The following ADARB1 variants were observed in gnomAD, a reference collection of about 807,000 sequenced individuals.
ADARB1 encodes adenosine deaminase RNA specific B1.
A neutral mutation model predicts 52.4 loss-of-function variants in ADARB1; 10 were observed. The observed-to-expected ratio is 0.19, with a 90% CI of 0.12 to 0.32. The LOEUF (loss-of-function observed/expected upper bound fraction) is 0.32, where lower values mean the gene tolerates loss of function less well. Among genes scored for constraint, ADARB1 ranks in the 10% least tolerant of loss-of-function variants. The pLI is 1.00. For synonymous variants in ADARB1, 349 were observed against 371.1 expected, an observed-to-expected ratio of 0.94 and a Z score of 0.68; for missense variants, 643 against 922.3, an observed-to-expected ratio of 0.70 and a Z score of 3.92.
chr21:45,103,457 C>A (rs1354018255), intron 1 of ADARB1, among the ~76,000 whole-genome samples: 1 of 151,692 alleles, frequency 6.6e-6, no homozygotes, highest in African/African-American at 2.4e-5. Flanking sequence ...TGTTTTCCTG[C>A]AACTAGATGG....
intron 2 of ADARB1, chr21:45,145,603 G>C (rs551539459): frequency 6.6e-6 from 1 of 152,342 alleles, no homozygotes; most frequent in African/African-American, 2.4e-5. Flanking sequence ...CAAAGCATTA[G>C]GAATAAGAAA....
Position 45,180,432 on chromosome 21 carries a change from G to T in ADARB1, c.1066G>T (p.Val356Phe). 6.2e-7 allele frequency: 1 copy of T among 1,613,538 alleles called. No homozygotes were observed. The highest frequency in any genetic ancestry group is 8.5e-7 in the Non-Finnish European group (1 of 1,179,616). ...HARRKVLAGVVMTTGTDVKDA... is the reference protein window; with the variant it reads ...HARRKVLAGVFMTTGTDVKDA... ...TCGCAGAAAAGTGCTGGCTGGAGTC[G>T]TCATGACAACAGGTAACCATCTTGG... Residue 356 changes from valine to phenylalanine, a missense_variant, in exon 5 of 11, where the codon GTC (valine) becomes TTC (phenylalanine). Val to Phe is a conservative substitution (Grantham distance 50). Around this residue, in one of 2 missense-constraint regions of ADARB1, gnomAD observed 263 missense variants for 475.8 expected, o/e 0.55. Coordinates refer to ENST00000348831, the MANE Select transcript of ADARB1 (RefSeq NM_001112.4).
intron 2 of ADARB1, among the ~76,000 whole-genome samples, chr21:45,170,173 T>C (rs925783905): frequency 6.6e-6 from 1 of 152,268 alleles, no homozygotes; most frequent in African/African-American, 2.4e-5. Flanking sequence ...TCTATGTTTT[T>C]CTCACCACAC....
intron 9 of ADARB1, among the ~76,000 whole-genome samples, chr21:45,207,015 C>G (rs886091207): frequency 1.3e-4 from 20 of 152,240 alleles, no homozygotes; most frequent in African/African-American, 4.6e-4. Context: ...TGCGTCAGCT[C>G]TGCCTCCTTG....
chr21:45,108,002 A>G (rs939253356), intron 1 of ADARB1, among the ~76,000 whole-genome samples: 6 of 152,184 alleles, frequency 3.9e-5, no homozygotes, highest in African/African-American at 1.4e-4. Context: ...TTAAGGTTGC[A>G]ATGAGCCATG....
intron 1 of ADARB1, among the ~76,000 whole-genome samples, chr21:45,083,993 C>T (rs2123643366): frequency 6.6e-6 from 1 of 152,236 alleles, no homozygotes; most frequent in Non-Finnish European, 1.5e-5. Flanking sequence ...AGCCATTGCA[C>T]CTGGCCAAAA....
At chr21:45,181,041 T>C (rs1569130419) in intron 5 of ADARB1, among the ~76,000 whole-genome samples, 1 of 152,164 alleles carries the variant, frequency 6.6e-6, no homozygotes, top group Non-Finnish European at 1.5e-5. Context: ...CCTTGGCCAG[T>C]GTCTGGCACC....
At chr21:45,093,671 G>A (rs2086646385) in intron 1 of ADARB1, among the ~76,000 whole-genome samples, 1 of 152,156 alleles carries the variant, frequency 6.6e-6, no homozygotes, top group Non-Finnish European at 1.5e-5. Context: ...TTTCTCCAGG[G>A]GGCTCCTCAC....
intron 8 of ADARB1, among the ~76,000 whole-genome samples, chr21:45,198,150 AAAGTT>A (rs2092466601): frequency 6.6e-6 from 1 of 152,242 alleles, no homozygotes; most frequent in Non-Finnish European, 1.5e-5. Context: ...TGCAAACAGT[AAAGTT>A]AAGAGCAGAA....
chr21:45,167,174 C>G (rs1177228615), intron 2 of ADARB1, among the ~76,000 whole-genome samples: 1 of 152,232 alleles, frequency 6.6e-6, no homozygotes, highest in East Asian at 1.9e-4. Context: ...CCTGCCACCA[C>G]ACTCGGCATG....
At position 45,176,705 on chromosome 21, in the gene ADARB1, C is replaced by A; in HGVS notation, c.963+41C>A. The A allele has an allele frequency of 6.5e-7, 1 of 1,541,054 alleles. No homozygotes were observed. Among genetic ancestry groups the A allele is most frequent in the Non-Finnish European group, 8.8e-7 (1 of 1,139,954 alleles). ...GCTGCTTTAAAACACGGGGTCATTG[C>A]TCTTGGTAATGCTTCTAGACAGCAT... On this transcript the variant is annotated intron_variant, in intron 4 of 10. Transcript: ENST00000348831. This position sits in a 1 kb window ranked among gnomAD's most constrained non-coding sequence, Gnocchi z 5.8.
chr21:45,177,031 A>T, intron 4 of ADARB1: 1 of 190,766 alleles, frequency 5.2e-6, no homozygotes, highest in Non-Finnish European at 1.1e-5. Flanking sequence ...AGTCTTTGAA[A>T]CCTTGCCCCC....
intron 8 of ADARB1, among the ~76,000 whole-genome samples, chr21:45,199,588 G>C (rs1186400754): frequency 6.6e-6 from 1 of 152,208 alleles, no homozygotes; most frequent in Non-Finnish European, 1.5e-5. Context: ...CACATGCTAG[G>C]ACAGTTAAGG....
chr21:45,213,970 G>C (rs1322840193), intron 9 of ADARB1, among the ~76,000 whole-genome samples: 1 of 152,166 alleles, frequency 6.6e-6, no homozygotes, highest in Non-Finnish European at 1.5e-5. Context: ...CTATTAACCT[G>C]TTTTCCAAAA....
At position 45,223,850 on chromosome 21, in the gene ADARB1, G is replaced by A; in HGVS notation, c.*1653G>A. On this transcript the variant is annotated 3_prime_UTR_variant, in exon 11 of 11. Transcript: ENST00000348831. ...GATCTCGTCGCAGCACGGCAGGAAG[G>A]GGTGCTGCTTAGGGCTCATTGTTGG... is the stretch of plus-strand genomic sequence containing the variant. 1 of 985,432 alleles carries A rather than the reference G, an allele frequency of 1.0e-6. No individual in the cohort carries two copies. The highest frequency in any genetic ancestry group is 4.7e-5 in the South Asian group (1 of 21,284). The allele number at this position is 985,432 out of a possible 1,614,324, so 61.0% of individuals were successfully genotyped here. A position where few individuals can be genotyped will look rare whatever the true frequency, so the allele number is the denominator to read the frequency against.
At chr21:45,081,238 T>G (rs188632033) in intron 1 of ADARB1, among the ~76,000 whole-genome samples, 1 of 152,246 alleles carries the variant, frequency 6.6e-6, no homozygotes, top group Admixed American at 6.5e-5. Context: ...GGTCTGTGCT[T>G]CTTTGAACTG....
intron 9 of ADARB1, among the ~76,000 whole-genome samples, chr21:45,219,535 T>C (rs932427795): frequency 6.6e-6 from 1 of 152,070 alleles, no homozygotes; most frequent in Non-Finnish European, 1.5e-5. Context: ...AAAAAAGAAC[T>C]GAATGTCTTG....
rs2091520172 is a variant in ADARB1 at position 45,172,373 on chromosome 21, TCTAA to T, written c.28+694_28+697del. ...GAAATTACAACAAAGGCATCATTGC[TCTAA>T]CTAATATAAATATCTGTATTTACCT... On this transcript the variant is annotated intron_variant, in intron 3 of 10. Coordinates refer to ENST00000348831, the MANE Select transcript of ADARB1 (RefSeq NM_001112.4). The surrounding 1 kb of genome is among the most constrained non-coding windows in gnomAD (Gnocchi z 4.4). Among the ~76,000 whole-genome samples, 1 of 152,186 alleles carries T rather than the reference TCTAA, an allele frequency of 6.6e-6. No homozygotes were observed. The highest frequency in any genetic ancestry group is 2.4e-5 in the African/African-American group (1 of 41,438).
intron 1 of ADARB1, among the ~76,000 whole-genome samples, chr21:45,109,267 A>ACT (rs1569015639): frequency 9.0e-5 from 3 of 33,194 alleles, no homozygotes; most frequent in Non-Finnish European, 2.5e-4. Context: ...ATGTGTGTGC[A>ACT]CTGCGCGCGT....
Sources: allele counts gnomAD v4.1 joint callset (sites outside exome capture counted in the v4.1 genomes callset), GRCh38; gene constraint gnomAD v4.1.1; regional missense constraint gnomAD v4.1.1; non-coding constraint Gnocchi (gnomAD v3.1); transcripts MANE v1.5; gene names NCBI Gene and HGNC (gene_info 2026-07-23, HGNC 2026-07-21).